The following SLC24A2 variants were observed in gnomAD, a reference collection of about 807,000 sequenced individuals.
The protein encoded by SLC24A2 is solute carrier family 24 member 2.
SLC24A2 carries 36 observed loss-of-function variants against 62.0 expected under a neutral mutation model. The ratio of observed to expected loss-of-function variants is 0.58; its 90% CI spans 0.44 to 0.77. The LOEUF (loss-of-function observed/expected upper bound fraction) is 0.77, where lower values mean the gene tolerates loss of function less well. Ranked by LOEUF, SLC24A2 falls within the 30% of genes least tolerant of loss-of-function variation. The pLI is 0.00. For synonymous variants in SLC24A2, 358 were observed against 294.0 expected, an observed-to-expected ratio of 1.22 and a Z score of -2.23; for missense variants, 846 against 817.9, an observed-to-expected ratio of 1.03 and a Z score of -0.42.
At chr9:19,986,353 T>C in the SLC24A2 span, among the ~76,000 whole-genome samples, 2 of 152,144 alleles carry the variant, frequency 1.3e-5, no homozygotes, top group Admixed American at 6.6e-5. Context: ...ATATATTGTT[T>C]GGTTGCTGTA....
chr9:20,002,365 CT>C, the SLC24A2 span, among the ~76,000 whole-genome samples: 6,734 of 130,134 alleles, frequency 0.052, 355 homozygotes, highest in African/African-American at 0.15. Flanking sequence ...AGCTACAAAC[CT>C]TTTTTTTTTT....
At chr9:19,992,481 A>C in the SLC24A2 span, among the ~76,000 whole-genome samples, 1 of 152,238 alleles carries the variant, frequency 6.6e-6, no homozygotes, top group Non-Finnish European at 1.5e-5. Context: ...ATCATTTTAT[A>C]TACAAACAAT....
the SLC24A2 span, among the ~76,000 whole-genome samples, chr9:20,242,880 C>G: frequency 4.6e-5 from 7 of 152,196 alleles, no homozygotes; most frequent in Admixed American, 4.6e-4. Context: ...ATGCAAACCA[C>G]ATCTCTAACT....
At chr9:20,064,903 C>T in the SLC24A2 span, among the ~76,000 whole-genome samples, 20 of 152,294 alleles carry the variant, frequency 1.3e-4, no homozygotes, top group African/African-American at 4.3e-4. Flanking sequence ...GATGTGCCTG[C>T]CAGTCACCCT....
the SLC24A2 span, among the ~76,000 whole-genome samples, chr9:19,921,593 A>T: frequency 6.6e-6 from 1 of 152,068 alleles, no homozygotes. Context: ...TCTCACTTCA[A>T]TTGAAAAATA....
chr9:19,757,656 T>C (rs1009862320), intron 2 of SLC24A2, among the ~76,000 whole-genome samples: 2 of 152,180 alleles, frequency 1.3e-5, no homozygotes, highest in Non-Finnish European at 2.9e-5. Context: ...TAAAACCCAG[T>C]AGAGATCTTG....
chr9:19,676,047 C>CTA lies in SLC24A2; in HGVS notation c.931-53749_931-53748insTA, dbSNP rs1189566323. The stretch of plus-strand genomic sequence containing the variant: ...GGGACCAAGAGCCCATAGGGCTCTT[C>CTA]CCACTGCTACTTCTACCCCTGTATT... On this transcript the variant is annotated intron_variant, in intron 2 of 10. Transcript: ENST00000341998. Among the ~76,000 whole-genome samples the CTA allele has an allele frequency of 5.9e-5, 9 of 152,282 alleles. No homozygotes were observed. In the South Asian group the frequency reaches 8.3e-4, roughly 14 times the overall value.
At chr9:19,893,417 C>T in the SLC24A2 span, among the ~76,000 whole-genome samples, 1 of 152,132 alleles carries the variant, frequency 6.6e-6, no homozygotes, top group Non-Finnish European at 1.5e-5. Flanking sequence ...CAGATCAGTA[C>T]CTCCCTATTG....
the SLC24A2 span, among the ~76,000 whole-genome samples, chr9:20,057,479 G>A: frequency 6.6e-6 from 1 of 152,180 alleles, no homozygotes; most frequent in African/African-American, 2.4e-5. Context: ...TGGCTGGTCA[G>A]AGTTGGAGCT....
chr9:19,733,163 C>G (rs574752469), intron 2 of SLC24A2, among the ~76,000 whole-genome samples: 1 of 151,674 alleles, frequency 6.6e-6, no homozygotes, highest in Admixed American at 6.6e-5. Flanking sequence ...AACTACTGCC[C>G]TTTGGTGCCT....
At chr9:19,890,395 G>T in the SLC24A2 span, among the ~76,000 whole-genome samples, 59 of 152,286 alleles carry the variant, frequency 3.9e-4, no homozygotes, top group African/African-American at 1.3e-3. Flanking sequence ...CCATATCCAA[G>T]TTGCCAGTGA....
At chr9:19,692,534 A>G (rs1820074172) in intron 2 of SLC24A2, among the ~76,000 whole-genome samples, 1 of 152,164 alleles carries the variant, frequency 6.6e-6, no homozygotes, top group African/African-American at 2.4e-5. Context: ...CAGCAGTAAA[A>G]CATGAAACAC....
the SLC24A2 span, among the ~76,000 whole-genome samples, chr9:19,830,935 T>C: frequency 1.3e-5 from 2 of 152,186 alleles, no homozygotes; most frequent in African/African-American, 2.4e-5. Flanking sequence ...GCAGGGTTGA[T>C]ACCTATTTGG....
chr9:20,274,610 G>A, the SLC24A2 span, among the ~76,000 whole-genome samples: 1 of 152,130 alleles, frequency 6.6e-6, no homozygotes, highest in African/African-American at 2.4e-5. Flanking sequence ...AAAGGCTCTA[G>A]TCTAACACTA....
the SLC24A2 span, among the ~76,000 whole-genome samples, chr9:20,263,505 C>T: frequency 7.9e-5 from 12 of 152,206 alleles, no homozygotes; most frequent in African/African-American, 2.9e-4. Flanking sequence ...CACCTCGGCC[C>T]CCCAAAAGCG....
At chr9:20,048,406 T>C in the SLC24A2 span, among the ~76,000 whole-genome samples, 240 of 152,320 alleles carry the variant, frequency 1.6e-3, no homozygotes, top group African/African-American at 5.7e-3. Context: ...ATCAAATCTA[T>C]TACTAGGATA....
intron 2 of SLC24A2, among the ~76,000 whole-genome samples, chr9:19,774,136 T>A (rs1466544253): frequency 6.6e-6 from 1 of 152,128 alleles, no homozygotes; most frequent in Non-Finnish European, 1.5e-5. Context: ...AGAGTAGGCT[T>A]GTAGCACAGA....
the SLC24A2 span, among the ~76,000 whole-genome samples, chr9:20,205,932 A>G: frequency 6.6e-6 from 1 of 152,256 alleles, no homozygotes; most frequent in East Asian, 1.9e-4. Context: ...TTTTATTGTT[A>G]TTATATTTAT....
At chr9:20,209,304 T>TTAGTC in the SLC24A2 span, among the ~76,000 whole-genome samples, 1 of 152,218 alleles carries the variant, frequency 6.6e-6, no homozygotes, top group Non-Finnish European at 1.5e-5. Flanking sequence ...CACCCTGTTT[T>TTAGTC]TAGTCTTCTT....
Sources: gnomAD v4.1 joint callset for allele counts (sites outside exome capture counted in the v4.1 genomes callset) on GRCh38, gnomAD v4.1.1 for gene constraint, MANE v1.5 for transcripts, NCBI Gene and HGNC (gene_info 2026-07-23, HGNC 2026-07-21) for gene names.